The following DACH1 variants were observed in gnomAD, a reference collection of about 807,000 sequenced individuals.
The protein encoded by DACH1 is dachshund family transcription factor 1, also known as dachshund homolog 1.
In DACH1, 12 loss-of-function variants were observed where a neutral mutation model predicts 54.2. That is an observed-to-expected ratio of 0.22 (90% CI 0.14 to 0.36). The LOEUF is 0.36. Among genes scored for constraint, DACH1 ranks in the 10% least tolerant of loss-of-function variants. The pLI is 1.00. For missense variants in DACH1, 805 were observed against 929.8 expected, an observed-to-expected ratio of 0.87 and a Z score of 1.75; for synonymous variants, 386 against 366.2, an observed-to-expected ratio of 1.05 and a Z score of -0.62.
At chr13:71,692,184 A>G (rs1881515844) in intron 1 of DACH1, among the ~76,000 whole-genome samples, 1 of 152,190 alleles carries the variant, frequency 6.6e-6, no homozygotes, top group African/African-American at 2.4e-5. Context: ...ATAAATGTAA[A>G]TCATATTAAC....
chr13:71,716,822 G>T (rs918609111), intron 1 of DACH1, among the ~76,000 whole-genome samples: 2 of 151,990 alleles, frequency 1.3e-5, no homozygotes, highest in Admixed American at 6.6e-5. Flanking sequence ...ATTATTTTTT[G>T]AATTTAATTT....
chr13:71,805,773 C>G (rs1425101982), intron 1 of DACH1, among the ~76,000 whole-genome samples: 2 of 152,026 alleles, frequency 1.3e-5, no homozygotes, highest in African/African-American at 4.8e-5. Flanking sequence ...TTTATATTTG[C>G]TTGGAGAAAG....
At chr13:71,559,048 A>G (rs1884429001) in intron 5 of DACH1, among the ~76,000 whole-genome samples, 1 of 152,068 alleles carries the variant, frequency 6.6e-6, no homozygotes, top group African/African-American at 2.4e-5. Context: ...GGTTTTATCA[A>G]ACAAGTTATT....
chr13:71,552,783 A>ATC (rs1487860842), intron 6 of DACH1, among the ~76,000 whole-genome samples: 1 of 113,340 alleles, frequency 8.8e-6, no homozygotes, highest in East Asian at 2.6e-4. Flanking sequence ...ATATATATAT[A>ATC]TGGATGTGAA....
intron 1 of DACH1, chr13:71,846,433 G>C (rs1370359787): frequency 6.5e-6 from 1 of 153,036 alleles, no homozygotes; most frequent in Non-Finnish European, 1.5e-5. Flanking sequence ...TTGAGGTTGG[G>C]AGTTCGGAGC....
Position 71,559,847 on chromosome 13 carries a change from G to C in DACH1, c.1408C>G (p.Arg470Gly). Residue 470 changes from arginine (R) to glycine (G), a missense_variant, in exon 5 of 11, where the codon CGG becomes GGG. Arg to Gly is a moderately radical substitution (Grantham distance 125). Coordinates refer to ENST00000613252, the MANE Select transcript of DACH1 (RefSeq NM_080759.6). ...ATTCTGTCAGAAGAGCTCTCAGTCCGAGCAGGGGAGCTGGACACGCTGCTG... is the reference window on the plus strand; with the variant it reads ...ATTCTGTCAGAAGAGCTCTCAGTCCCAGCAGGGGAGCTGGACACGCTGCTG... Reference protein sequence around the residue: ...RSSSVSSSPARTESSSDRIPV... With the variant: ...RSSSVSSSPAGTESSSDRIPV... 6.2e-7 allele frequency: 1 copy of C among 1,613,736 alleles called. No individual in the cohort carries two copies. The highest frequency in any genetic ancestry group is 8.5e-7 in the Non-Finnish European group (1 of 1,179,878).
intron 1 of DACH1, among the ~76,000 whole-genome samples, chr13:71,696,239 G>A (rs964478888): frequency 2.6e-5 from 4 of 152,048 alleles, no homozygotes; most frequent in Admixed American, 2.0e-4. Flanking sequence ...GAAATCATGA[G>A]ATCTAATAAT....
chr13:71,725,729 A>C (rs1461730788), intron 1 of DACH1, among the ~76,000 whole-genome samples: 1 of 152,164 alleles, frequency 6.6e-6, no homozygotes, highest in Non-Finnish European at 1.5e-5. Context: ...ATCATTGAAA[A>C]TAAAACAAAA....
Position 71,465,827 on chromosome 13 carries a change from G to A in DACH1, c.2083+9314C>T, listed in dbSNP as rs149531747. ...ATTCATAGTAGTAAAAAGTATCATC[G>A]GTACAAATACATATATGAAATTTAA... On this transcript the variant is annotated intron_variant, in intron 10 of 10. Transcript: ENST00000613252. Among the ~76,000 whole-genome samples, 887 of 151,962 alleles carry A rather than the reference G, an allele frequency of 5.8e-3. 8 individuals are homozygous for A. The highest frequency in any genetic ancestry group is 0.02 in the African/African-American group (840 of 41,454).
chr13:71,848,754 T>TG (rs1873465298), intron 1 of DACH1, among the ~76,000 whole-genome samples: 1 of 152,078 alleles, frequency 6.6e-6, no homozygotes, highest in Non-Finnish European at 1.5e-5. Context: ...GGAACCCCCA[T>TG]GCTCAAGTGA....
intron 3 of DACH1, among the ~76,000 whole-genome samples, chr13:71,613,539 T>A (rs1002476608): frequency 6.6e-6 from 1 of 152,154 alleles, no homozygotes. Context: ...CTGGTTAAGG[T>A]TACTGCAGTG....
chr13:71,849,736 G>C (rs1873538029), intron 1 of DACH1, among the ~76,000 whole-genome samples: 1 of 152,150 alleles, frequency 6.6e-6, no homozygotes. Flanking sequence ...GAGACAGATG[G>C]AGCAGATCAG....
rs1432997425 is a variant in DACH1 at position 71,439,593 on chromosome 13, G to A, written c.*1062C>T. ...CAATCCATTCCCAATAGTGCAGCTT[G>A]GGGCACTAGCTAGGGTTCAATATAC... is the stretch of plus-strand genomic sequence containing the variant. On this transcript the variant is annotated 3_prime_UTR_variant, in exon 11 of 11. Coordinates refer to ENST00000613252, the MANE Select transcript of DACH1 (RefSeq NM_080759.6). 2.0e-5 allele frequency: 3 copies of A among 152,432 alleles called. No individual in the cohort carries two copies. Among genetic ancestry groups the A allele is most frequent in the African/African-American group, 7.2e-5 (3 of 41,428 alleles). 9.4% of individuals were successfully genotyped at this position (152,432 alleles called of 1,614,324 possible).
chr13:71,761,733 G>A (rs1342027510), intron 1 of DACH1, among the ~76,000 whole-genome samples: 3 of 152,122 alleles, frequency 2.0e-5, no homozygotes, highest in Non-Finnish European at 4.4e-5. Flanking sequence ...TGATTCTGCC[G>A]GTCCTGGAGC....
At chr13:71,465,139 A>ATGAT (rs1253517729) in intron 10 of DACH1, among the ~76,000 whole-genome samples, 1 of 152,108 alleles carries the variant, frequency 6.6e-6, no homozygotes, top group Non-Finnish European at 1.5e-5. Context: ...TATAGTTTAA[A>ATGAT]TGATTATGTT....
At chr13:71,579,503 G>T (rs1255824139) in intron 3 of DACH1, among the ~76,000 whole-genome samples, 1 of 152,062 alleles carries the variant, frequency 6.6e-6, no homozygotes, top group Non-Finnish European at 1.5e-5. Flanking sequence ...GATACTTAAT[G>T]AACAGGCAGA....
chr13:71,859,310 T>G (rs1874203864), intron 1 of DACH1, among the ~76,000 whole-genome samples: 1 of 151,916 alleles, frequency 6.6e-6, no homozygotes, highest in African/African-American at 2.4e-5. Flanking sequence ...TGCTTTTCTC[T>G]TATAAAGGAA....
chr13:71,744,244 G>A (rs1884516788), intron 1 of DACH1, among the ~76,000 whole-genome samples: 1 of 152,188 alleles, frequency 6.6e-6, no homozygotes, highest in African/African-American at 2.4e-5. Context: ...CAGCAATGAA[G>A]CAGAAATATA....
chr13:71,605,003 A>G (rs918115512), intron 3 of DACH1, among the ~76,000 whole-genome samples: 2 of 152,006 alleles, frequency 1.3e-5, no homozygotes, highest in Admixed American at 1.3e-4. Context: ...TACATGCATA[A>G]GCAATATTTA....
Sources: allele counts gnomAD v4.1 joint callset (sites outside exome capture counted in the v4.1 genomes callset), GRCh38; gene constraint gnomAD v4.1.1; transcripts MANE v1.5; gene names NCBI Gene and HGNC (gene_info 2026-07-23, HGNC 2026-07-21).